The following TYW1B variants were observed in gnomAD, a reference collection of about 807,000 sequenced individuals.
The protein encoded by TYW1B is tRNA-yW synthesizing protein 1 homolog B.
Under a neutral mutation model 86.9 loss-of-function variants are expected in TYW1B, and 73 were observed. The ratio of observed to expected loss-of-function variants is 0.84; its 90% CI spans 0.70 to 1.02. The LOEUF (loss-of-function observed/expected upper bound fraction) is 1.02, where lower values mean the gene tolerates loss of function less well. Ranked by LOEUF, TYW1B falls within the 50% of genes least tolerant of loss-of-function variation. The pLI, the probability that TYW1B is intolerant of heterozygous loss-of-function variation, is 0.00. For missense variants in TYW1B, 637 were observed against 827.4 expected (o/e 0.77, Z 2.82); for synonymous variants, 248 against 292.8 (o/e 0.85, Z 1.56).
At chr7:72,804,226 A>C (rs1392564190) in intron 5 of TYW1B, among the ~76,000 whole-genome samples, 2 of 151,254 alleles carry the variant, frequency 1.3e-5, no homozygotes, top group Non-Finnish European at 2.9e-5. Flanking sequence ...TGGAGGTTGC[A>C]GTGAGCTGAG....
At chr7:72,736,737 T>C (rs1336531372) in intron 8 of TYW1B, among the ~76,000 whole-genome samples, 2 of 152,214 alleles carry the variant, frequency 1.3e-5, no homozygotes, top group African/African-American at 4.8e-5. Flanking sequence ...ATGCAGCCTG[T>C]TGTGATCGGC....
intron 6 of TYW1B, among the ~76,000 whole-genome samples, chr7:72,792,392 T>C (rs1279835042): frequency 8.6e-5 from 13 of 150,836 alleles, no homozygotes; most frequent in Non-Finnish European, 1.9e-4. Flanking sequence ...AAATGAACAA[T>C]AAACACAAAA....
intron 11 of TYW1B, among the ~76,000 whole-genome samples, chr7:72,668,147 A>G (rs1405551933): frequency 6.6e-6 from 1 of 152,186 alleles, no homozygotes; most frequent in Non-Finnish European, 1.5e-5. Context: ...ATTTCATTAA[A>G]CTTTTAAAGA....
chr7:72,641,647 G>A (rs1366666963), intron 11 of TYW1B, among the ~76,000 whole-genome samples: 1 of 152,098 alleles, frequency 6.6e-6, no homozygotes, highest in African/African-American at 2.4e-5. Context: ...ATAAGGGACT[G>A]GTTTACGAGG....
At chr7:72,823,577 G>A (rs1451284342) in intron 2 of TYW1B, among the ~76,000 whole-genome samples, 5 of 151,540 alleles carry the variant, frequency 3.3e-5, no homozygotes, top group African/African-American at 7.3e-5. Context: ...CCGAGATCGC[G>A]CCACTGCACT....
chr7:72,755,594 G>A (rs1404526130), intron 7 of TYW1B, among the ~76,000 whole-genome samples: 1 of 152,186 alleles, frequency 6.6e-6, no homozygotes, highest in Non-Finnish European at 1.5e-5. Context: ...AGCCTGGGAG[G>A]CTGAGGCTGC....
At chr7:72,693,188 A>G (rs1554450663) in intron 11 of TYW1B, among the ~76,000 whole-genome samples, 1 of 152,130 alleles carries the variant, frequency 6.6e-6, no homozygotes, top group East Asian at 1.9e-4. Context: ...GCAAGGAAGG[A>G]AAGAAGGAGG....
At chr7:72,762,953 C>A (rs1335408736) in intron 7 of TYW1B, among the ~76,000 whole-genome samples, 6 of 152,142 alleles carry the variant, frequency 3.9e-5, no homozygotes, top group Non-Finnish European at 7.4e-5. Flanking sequence ...AGCCACCACA[C>A]CCAGCCACAA....
At chr7:72,739,722 G>A (rs1437584017) in intron 8 of TYW1B, among the ~76,000 whole-genome samples, 30 of 146,756 alleles carry the variant, frequency 2.0e-4, no homozygotes, top group Non-Finnish European at 3.6e-4. Flanking sequence ...CTGAATGCCT[G>A]GGAAGAAGAG....
intron 11 of TYW1B, among the ~76,000 whole-genome samples, chr7:72,649,983 A>C (rs1419274802): frequency 2.0e-5 from 3 of 151,576 alleles, no homozygotes; most frequent in African/African-American, 7.3e-5. Flanking sequence ...TCTGCCTGCC[A>C]GGTTCATGCC....
chr7:72,661,692 C>T (rs1554444486), intron 11 of TYW1B, among the ~76,000 whole-genome samples: 3 of 151,482 alleles, frequency 2.0e-5, no homozygotes, highest in African/African-American at 7.3e-5. Context: ...TTAAATTTTG[C>T]TTTAAAGAGC....
chr7:72,794,815 CTTTT>C (rs2129572352), intron 6 of TYW1B, among the ~76,000 whole-genome samples: 1 of 150,984 alleles, frequency 6.6e-6, no homozygotes, highest in East Asian at 1.9e-4. Flanking sequence ...AACTTCCCCA[CTTTT>C]CTTTTTTTTT....
intron 11 of TYW1B, among the ~76,000 whole-genome samples, chr7:72,684,753 T>C (rs1380871447): frequency 3.5e-5 from 2 of 57,592 alleles, no homozygotes; most frequent in Non-Finnish European, 1.0e-4. Context: ...TGCATGCCTA[T>C]GTATAAGTAA....
intron 11 of TYW1B, among the ~76,000 whole-genome samples, chr7:72,675,049 T>C (rs1554447105): frequency 6.6e-6 from 1 of 152,124 alleles, no homozygotes; most frequent in Non-Finnish European, 1.5e-5. Flanking sequence ...TAGAAAGTGC[T>C]GGAGGAAGGA....
chr7:72,773,359 A>C (rs1447353587), intron 7 of TYW1B, among the ~76,000 whole-genome samples: 8 of 152,198 alleles, frequency 5.3e-5, no homozygotes, highest in African/African-American at 1.7e-4. Flanking sequence ...TATATGAAAC[A>C]ACAGATTTCA....
chr7:72,736,927 T>C (rs1442801977), intron 8 of TYW1B, among the ~76,000 whole-genome samples: 2 of 152,282 alleles, frequency 1.3e-5, no homozygotes, highest in Non-Finnish European at 2.9e-5. Flanking sequence ...GAATATCTTT[T>C]TGAGGCACAA....
intron 7 of TYW1B, among the ~76,000 whole-genome samples, chr7:72,760,787 T>C (rs1554467043): frequency 6.6e-6 from 1 of 152,208 alleles, no homozygotes; most frequent in East Asian, 1.9e-4. Flanking sequence ...TTTATATTTG[T>C]CTCTACTAGA....
intron 11 of TYW1B, among the ~76,000 whole-genome samples, chr7:72,690,412 T>C (rs1225919182): frequency 1.3e-5 from 2 of 152,260 alleles, no homozygotes; most frequent in Non-Finnish European, 2.9e-5. Flanking sequence ...CATACTCAAG[T>C]ACCAATATAT....
chr7:72,585,352 G>GA (rs1585826176), intron 13 of TYW1B, among the ~76,000 whole-genome samples: 1 of 152,296 alleles, frequency 6.6e-6, no homozygotes, highest in African/African-American at 2.4e-5. Flanking sequence ...TATATGAGCT[G>GA]AAAAAAGAGT....
Sources: allele counts gnomAD v4.1 joint callset (sites outside exome capture counted in the v4.1 genomes callset), GRCh38; gene constraint gnomAD v4.1.1; transcripts MANE v1.5; gene names NCBI Gene and HGNC (gene_info 2026-07-23, HGNC 2026-07-21).